The following CTNND2 variants were observed in gnomAD, a reference collection of about 807,000 sequenced individuals.
CTNND2 encodes the protein catenin delta 2, also known as catenin delta-2.
Under a neutral mutation model 144.4 loss-of-function variants are expected in CTNND2, and 22 were observed. That is an observed-to-expected ratio of 0.15 (90% CI 0.11 to 0.22). CTNND2 has a LOEUF of 0.22. Among genes scored for constraint, CTNND2 ranks in the 10% least tolerant of loss-of-function variants. The pLI, the probability that CTNND2 is intolerant of heterozygous loss-of-function variation, is 1.00. For synonymous variants in CTNND2, 751 were observed against 695.6 expected (o/e 1.08, Z -1.25); for missense variants, 1,353 against 1,618.8 (o/e 0.84, Z 2.82).
chr5:11,086,383 G>T (rs558006416), intron 15 of CTNND2, among the ~76,000 whole-genome samples: 9 of 152,226 alleles, frequency 5.9e-5, no homozygotes, highest in Admixed American at 1.3e-4. Context: ...TCCTCTGTGC[G>T]GGACTATACC....
intron 10 of CTNND2, among the ~76,000 whole-genome samples, chr5:11,224,926 A>G (rs944331331): frequency 1.3e-5 from 2 of 151,964 alleles, no homozygotes; most frequent in African/African-American, 4.8e-5. Flanking sequence ...GATTATTACA[A>G]GAGGCTACTG....
chr5:11,765,213 A>C (rs1412860610), intron 1 of CTNND2, among the ~76,000 whole-genome samples: 1 of 152,234 alleles, frequency 6.6e-6, no homozygotes, highest in Non-Finnish European at 1.5e-5. Context: ...CTCTATAATG[A>C]AACAAATGTT....
chr5:11,861,703 G>A (rs1795512462), intron 1 of CTNND2, among the ~76,000 whole-genome samples: 1 of 152,290 alleles, frequency 6.6e-6, no homozygotes, highest in African/African-American at 2.4e-5. Context: ...ACTCTGCAGT[G>A]TGAAAGCCAA....
At chr5:11,531,517 C>T (rs866121745) in intron 3 of CTNND2, among the ~76,000 whole-genome samples, 2 of 151,840 alleles carry the variant, frequency 1.3e-5, no homozygotes, top group African/African-American at 4.8e-5. Context: ...TCCCAGCTAC[C>T]CAGGAGGCTG....
intron 6 of CTNND2, among the ~76,000 whole-genome samples, chr5:11,393,022 G>A (rs31835): frequency 0.062 from 9,484 of 152,172 alleles, 638 homozygotes; most frequent in African/African-American, 0.16. Context: ...CCACCCGCAT[G>A]AGTGTGCACC....
intron 21 of CTNND2, among the ~76,000 whole-genome samples, chr5:10,974,666 A>G (rs531417370): frequency 5.9e-5 from 9 of 152,170 alleles, no homozygotes; most frequent in Admixed American, 1.3e-4. Context: ...GTAATTGGGG[A>G]GGAGATCTGG....
intron 11 of CTNND2, among the ~76,000 whole-genome samples, chr5:11,175,807 G>T (rs1018964): frequency 0.057 from 8,692 of 152,066 alleles, 328 homozygotes; most frequent in East Asian, 0.15. Context: ...GAGGTATATT[G>T]CCAAAATGCT....
chr5:11,646,429 C>T (rs1043581086), intron 2 of CTNND2, among the ~76,000 whole-genome samples: 4 of 152,118 alleles, frequency 2.6e-5, no homozygotes, highest in African/African-American at 7.2e-5. Flanking sequence ...AGTGCCAGAG[C>T]CTTTCACAAT....
chr5:11,286,320 T>C (rs930019347), intron 9 of CTNND2, among the ~76,000 whole-genome samples: 2 of 152,222 alleles, frequency 1.3e-5, no homozygotes, highest in Admixed American at 6.5e-5. Context: ...GCCTCCTATA[T>C]AGTTAATAAT....
chr5:11,134,684 T>G (rs1755954645), intron 12 of CTNND2, among the ~76,000 whole-genome samples: 1 of 152,212 alleles, frequency 6.6e-6, no homozygotes. Context: ...GTCATTAAGA[T>G]TTTTAGATGT....
intron 2 of CTNND2, among the ~76,000 whole-genome samples, chr5:11,636,075 A>G (rs1335226178): frequency 6.7e-6 from 1 of 148,282 alleles, no homozygotes; most frequent in African/African-American, 2.5e-5. Context: ...AGTAACTTGA[A>G]TGGAATTTTA....
Position 11,119,375 on chromosome 5 carries a change from C to A in CTNND2, c.2160-1808G>T, listed in dbSNP as rs73742128. 2.3e-3 allele frequency among the ~76,000 whole-genome samples: 347 copies of A among 152,174 alleles called. 4 individuals carry two copies. The highest frequency in any genetic ancestry group is 8.0e-3 in the African/African-American group (332 of 41,516). ...ATTAGTATTTTTGGCATTTGCTGAT[C>A]TTCGAATATAAACAAAATTTCTCAG... On this transcript the variant is annotated intron_variant, in intron 12 of 21. Coordinates refer to ENST00000304623, the MANE Select transcript of CTNND2 (RefSeq NM_001332.4).
At chr5:11,195,090 A>G (rs1334445627) in intron 11 of CTNND2, among the ~76,000 whole-genome samples, 2 of 152,208 alleles carry the variant, frequency 1.3e-5, no homozygotes, top group Non-Finnish European at 2.9e-5. Context: ...AGACAAAAGA[A>G]TTATTTTAAA....
intron 11 of CTNND2, among the ~76,000 whole-genome samples, chr5:11,198,156 C>T (rs1737063583): frequency 6.6e-6 from 1 of 152,170 alleles, no homozygotes; most frequent in East Asian, 1.9e-4. Context: ...AGTTACATAA[C>T]TCACCCCTAA....
intron 6 of CTNND2, among the ~76,000 whole-genome samples, chr5:11,387,953 G>A (rs1284675726): frequency 6.6e-6 from 1 of 152,098 alleles, no homozygotes; most frequent in Non-Finnish European, 1.5e-5. Context: ...AGTCTCAGGT[G>A]TACTAAGTGC....
chr5:11,413,087 T>A (rs1761671194), intron 3 of CTNND2, among the ~76,000 whole-genome samples: 1 of 152,180 alleles, frequency 6.6e-6, no homozygotes, highest in Non-Finnish European at 1.5e-5. Flanking sequence ...GTGACTGTTA[T>A]GGGGTATCTT....
chr5:11,042,876 G>T (rs904482777), intron 16 of CTNND2, among the ~76,000 whole-genome samples: 1 of 152,122 alleles, frequency 6.6e-6, no homozygotes, highest in Non-Finnish European at 1.5e-5. Context: ...CATGCCAGGT[G>T]CCTGAACTTT....
chr5:11,292,172 T>C (rs1036366809), intron 9 of CTNND2, among the ~76,000 whole-genome samples: 1 of 152,138 alleles, frequency 6.6e-6, no homozygotes, highest in South Asian at 2.1e-4. Flanking sequence ...CTTACATCTA[T>C]TGAGGATCTA....
At chr5:10,978,708 G>A (rs1462378637) in intron 21 of CTNND2, among the ~76,000 whole-genome samples, 1 of 152,198 alleles carries the variant, frequency 6.6e-6, no homozygotes, top group African/African-American at 2.4e-5. Context: ...ATCCAGGGTG[G>A]ATTTTAGCAA....
Sources: allele counts gnomAD v4.1 joint callset (sites outside exome capture counted in the v4.1 genomes callset), GRCh38; gene constraint gnomAD v4.1.1; transcripts MANE v1.5; gene names NCBI Gene and HGNC (gene_info 2026-07-23, HGNC 2026-07-21).